CCDC85A: variants seen among roughly 807,000 people sequenced by gnomAD.
The protein encoded by CCDC85A is coiled-coil domain-containing protein 85A.
In CCDC85A, 38 loss-of-function variants were observed where a neutral mutation model predicts 50.2. That is an observed-to-expected ratio of 0.76 (90% CI 0.58 to 0.99). The LOEUF is 0.99. Among genes scored for constraint, CCDC85A ranks in the 50% least tolerant of loss-of-function variants. CCDC85A has a pLI of 0.00. For synonymous variants in CCDC85A, 366 were observed against 301.4 expected (o/e 1.21, Z -2.22); for missense variants, 820 against 742.0 (o/e 1.11, Z -1.22).
rs577573931 is a variant in CCDC85A at position 56,344,619 on chromosome 2, G to T, written c.1317+1664G>T. Among the ~76,000 whole-genome samples the T allele has an allele frequency of 2.6e-5, 4 of 152,012 alleles. No homozygotes were observed. In the East Asian group the frequency reaches 7.7e-4, roughly 29 times the overall value. ...GTCATGAAATAAAATACTACTGGTG[G>T]GTTTGTTTTCTCTTTGCTCTTCATT... On this transcript the variant is annotated intron_variant, in intron 3 of 5. Transcript: ENST00000407595.
At chr2:56,268,463 C>T (rs1452855269) in intron 2 of CCDC85A, among the ~76,000 whole-genome samples, 6 of 151,902 alleles carry the variant, frequency 3.9e-5, no homozygotes, top group East Asian at 1.9e-4. Context: ...AGAGTGGTGG[C>T]GGACGCCTGT....
chr2:56,262,231 G>A (rs1043011752), intron 2 of CCDC85A, among the ~76,000 whole-genome samples: 12 of 152,144 alleles, frequency 7.9e-5, no homozygotes, highest in African/African-American at 2.7e-4. Context: ...TAATTGAGGT[G>A]TAGATAATGG....
chr2:56,314,733 C>G (rs556548752), intron 2 of CCDC85A, among the ~76,000 whole-genome samples: 30 of 152,274 alleles, frequency 2.0e-4, no homozygotes, highest in African/African-American at 6.0e-4. Context: ...TTTGAGCATA[C>G]CCATGCATTT....
At chr2:56,269,661 C>G (rs1045381725) in intron 2 of CCDC85A, among the ~76,000 whole-genome samples, 2 of 152,186 alleles carry the variant, frequency 1.3e-5, no homozygotes, top group Admixed American at 1.3e-4. Flanking sequence ...TGTCGTAAGT[C>G]AAGCATATGC....
intron 2 of CCDC85A, among the ~76,000 whole-genome samples, chr2:56,285,397 C>T (rs1671392627): frequency 6.7e-6 from 1 of 149,136 alleles, no homozygotes; most frequent in South Asian, 2.1e-4. Flanking sequence ...AGCCAACACA[C>T]CTGGCCGAGT....
At chr2:56,196,220 C>CA (rs1158300240) in intron 2 of CCDC85A, among the ~76,000 whole-genome samples, 2 of 152,112 alleles carry the variant, frequency 1.3e-5, no homozygotes, top group African/African-American at 2.4e-5. Context: ...AATATTTAAA[C>CA]AAATCTCCAA....
intron 4 of CCDC85A, among the ~76,000 whole-genome samples, chr2:56,373,289 A>G (rs904273884): frequency 2.6e-5 from 4 of 152,100 alleles, no homozygotes; most frequent in Non-Finnish European, 5.9e-5. Flanking sequence ...TATAACATTC[A>G]TCCCTAAATG....
chr2:56,258,885 T>C (rs1307071537), intron 2 of CCDC85A, among the ~76,000 whole-genome samples: 1 of 152,124 alleles, frequency 6.6e-6, no homozygotes, highest in African/African-American at 2.4e-5. Flanking sequence ...CTCTGTAAAA[T>C]ATGGAATGAA....
intron 3 of CCDC85A, among the ~76,000 whole-genome samples, chr2:56,363,992 A>C (rs1404835954): frequency 1.3e-5 from 2 of 152,220 alleles, no homozygotes; most frequent in African/African-American, 4.8e-5. Flanking sequence ...CCTGATTGAA[A>C]AGCAATTTAG....
intron 2 of CCDC85A, among the ~76,000 whole-genome samples, chr2:56,341,069 C>T (rs1674342106): frequency 6.6e-6 from 1 of 152,126 alleles, no homozygotes; most frequent in Non-Finnish European, 1.5e-5. Flanking sequence ...TTGAGATGAA[C>T]TGTCCACATG....
intron 2 of CCDC85A, among the ~76,000 whole-genome samples, chr2:56,218,105 A>G (rs1482331250): frequency 6.6e-6 from 1 of 151,902 alleles, no homozygotes; most frequent in Non-Finnish European, 1.5e-5. Flanking sequence ...AAATAAGAAT[A>G]AACTACAGCA....
intron 2 of CCDC85A, among the ~76,000 whole-genome samples, chr2:56,314,893 T>A (rs1468472175): frequency 6.6e-6 from 1 of 152,138 alleles, no homozygotes; most frequent in Non-Finnish European, 1.5e-5. Flanking sequence ...GAGCACTTGG[T>A]CCCTGGTTCC....
At chr2:56,383,743 A>G (rs2104411980) in intron 5 of CCDC85A, 2 of 985,176 alleles carry the variant, frequency 2.0e-6, no homozygotes, top group Admixed American at 6.2e-5. Context: ...AAATAGCTCA[A>G]TAACAAAAGC....
intron 2 of CCDC85A, among the ~76,000 whole-genome samples, chr2:56,236,577 G>T (rs1669025017): frequency 3.9e-5 from 6 of 152,172 alleles, no homozygotes; most frequent in Admixed American, 3.3e-4. Context: ...CCTTTTATGA[G>T]AATCCATTTT....
chr2:56,192,713 A>T lies in CCDC85A; in HGVS notation c.513A>T (p.Leu171=). The T allele has an allele frequency of 6.2e-7, 1 of 1,613,842 alleles. No individual in the cohort carries two copies. Among genetic ancestry groups the T allele is most frequent in the Non-Finnish European group, 8.5e-7 (1 of 1,179,856 alleles). Reference sequence around the variant, plus strand: ...TGGAGCTCAAGGAGCTCTGTGTGCTACTAGATGAGGAGAAGGGTGCAGGCT... The same window carrying T: ...TGGAGCTCAAGGAGCTCTGTGTGCTTCTAGATGAGGAGAAGGGTGCAGGCT... The part of the protein sequence containing the change: ...ENMELKELCV[L]LDEEKGAGCA... Residue 171 remains leucine, a synonymous_variant, in exon 2 of 6, where the codon CTA becomes CTT. Transcript: ENST00000407595. The surrounding 1 kb of genome is among the most constrained non-coding windows in gnomAD (Gnocchi z 4.7).
intron 2 of CCDC85A, among the ~76,000 whole-genome samples, chr2:56,227,970 T>C (rs1255426226): frequency 1.3e-5 from 2 of 152,228 alleles, no homozygotes; most frequent in Non-Finnish European, 2.9e-5. Context: ...TACTGTGACT[T>C]ATAAGACAGA....
rs1031795607 is a variant in CCDC85A at position 56,302,040 on chromosome 2, G to C, written c.1241-40839G>C. Among the ~76,000 whole-genome samples the C allele has an allele frequency of 4.6e-5, 7 of 152,252 alleles. No individual in the cohort carries two copies. In the East Asian group the frequency reaches 1.4e-3, roughly 30 times the overall value. ...GGAGGCCGAGGCAGGTGTATCACTT[G>C]AGGTCAGGAGTTGGAGACCAGCCTG... On this transcript the variant is annotated intron_variant, in intron 2 of 5. Transcript: ENST00000407595.
chr2:56,302,976 G>T (rs369798754), intron 2 of CCDC85A, among the ~76,000 whole-genome samples: 3 of 152,128 alleles, frequency 2.0e-5, no homozygotes, highest in African/African-American at 7.2e-5. Flanking sequence ...AAGTCCTGTG[G>T]TGTGCTCAGT....
intron 3 of CCDC85A, among the ~76,000 whole-genome samples, chr2:56,355,746 C>T (rs1038955231): frequency 1.4e-4 from 21 of 152,134 alleles, no homozygotes; most frequent in Non-Finnish European, 2.1e-4. Flanking sequence ...GAGAAATGTA[C>T]GGATTACAGA....
Sources: gnomAD v4.1 joint callset for allele counts (sites outside exome capture counted in the v4.1 genomes callset) on GRCh38, gnomAD v4.1.1 for gene constraint, Gnocchi (gnomAD v3.1) non-coding constraint, MANE v1.5 for transcripts, NCBI Gene and HGNC (gene_info 2026-07-23, HGNC 2026-07-21) for gene names.